UAP1: variants seen among roughly 807,000 people sequenced by gnomAD.
UAP1 encodes UDP-N-acetylglucosamine pyrophosphorylase 1, also known as UDP-N-acetylhexosamine pyrophosphorylase.
In UAP1, 25 loss-of-function variants were observed where a neutral mutation model predicts 58.5. The observed-to-expected ratio is 0.43, with a 90% CI of 0.31 to 0.60. The LOEUF (loss-of-function observed/expected upper bound fraction) is 0.60. Ranked by LOEUF, UAP1 falls within the 20% of genes least tolerant of loss-of-function variation. UAP1 has a pLI of 0.11. For missense variants in UAP1, 575 were observed against 630.0 expected (o/e 0.91, Z 0.93); for synonymous variants, 208 against 213.0 (o/e 0.98, Z 0.21).
rs1444599253 is a variant in UAP1 at position 162,583,655 on chromosome 1, G to A, written c.834+2196G>A. ...ATTTATTTATTTATTTATTTGACAG[G>A]GTCTGGCTCTGTTGCCTAGGCTGGA... On this transcript the variant is annotated intron_variant, in intron 5 of 10. Coordinates refer to ENST00000271469, the Ensembl canonical transcript of UAP1. 2.6e-5 allele frequency among the ~76,000 whole-genome samples: 4 copies of A among 151,534 alleles called. No individual in the cohort carries two copies. In the East Asian group the frequency reaches 5.9e-4, roughly 22 times the overall value.
intron 1 of UAP1, 30 bp from the exon 2 acceptor site, chr1:162,565,982 G>C (rs1653463565): frequency 7.8e-6 from 11 of 1,415,572 alleles, no homozygotes; most frequent in Non-Finnish European, 1.0e-5. Context: ...GTTGGATTTT[G>C]ACATGCCATT....
intron 8 of UAP1, 76 bp from the exon 9 acceptor site, chr1:162,592,656 A>G: frequency 1.8e-6 from 2 of 1,101,426 alleles, no homozygotes; most frequent in Non-Finnish European, 2.7e-6. Flanking sequence ...TCAATCAAGT[A>G]TATTTTGCAA....
At chr1:162,578,176 C>A (rs1208094074) in intron 3 of UAP1, among the ~76,000 whole-genome samples, 1 of 152,080 alleles carries the variant, frequency 6.6e-6, no homozygotes, top group Non-Finnish European at 1.5e-5. Context: ...TGTTTGAGGT[C>A]CCCCAAGTCC....
chr1:162,579,373 T>C, intron 3 of UAP1, 55 bp from the exon 4 acceptor site: 1 of 1,269,816 alleles, frequency 7.9e-7, no homozygotes, highest in Non-Finnish European at 1.0e-6. Context: ...GAAACTTTAT[T>C]TTGCCCTAGT....
intron 2 of UAP1, among the ~76,000 whole-genome samples, chr1:162,571,778 T>C (rs772844743): frequency 5.3e-5 from 8 of 152,230 alleles, no homozygotes; most frequent in Non-Finnish European, 1.2e-4. Flanking sequence ...CAGATACTAA[T>C]TTATGTGTTA....
chr1:162,583,934 C>T (rs1654758540), intron 5 of UAP1, among the ~76,000 whole-genome samples: 1 of 152,182 alleles, frequency 6.6e-6, no homozygotes, highest in Non-Finnish European at 1.5e-5. Context: ...GCCACTGCAC[C>T]CGGCCAGAGT....
intron 9 of UAP1, among the ~76,000 whole-genome samples, chr1:162,596,990 AC>A (rs1655657117): frequency 6.6e-6 from 1 of 152,210 alleles, no homozygotes; most frequent in African/African-American, 2.4e-5. Flanking sequence ...AGGGACTTTG[AC>A]CTTGCCTTCG....
exon 8 of UAP1, chr1:162,590,360 T>C: frequency 6.2e-7 from 1 of 1,612,694 alleles, no homozygotes; most frequent in Non-Finnish European, 8.5e-7. Context: ...AGAAGATGAG[T>C]TTTCCCCACT....
At chr1:162,575,851 T>A (rs1381028659) in intron 2 of UAP1, among the ~76,000 whole-genome samples, 1 of 152,084 alleles carries the variant, frequency 6.6e-6, no homozygotes, top group Non-Finnish European at 1.5e-5. Flanking sequence ...GCCTGGCTAA[T>A]TTTTATATTT....
intron 2 of UAP1, among the ~76,000 whole-genome samples, chr1:162,567,691 A>C (rs1653601798): frequency 6.6e-6 from 1 of 152,208 alleles, no homozygotes; most frequent in Non-Finnish European, 1.5e-5. Flanking sequence ...ACATTATTTT[A>C]TTGCAAAAAT....
At chr1:162,568,393 C>T (rs912755917) in intron 2 of UAP1, among the ~76,000 whole-genome samples, 2 of 152,206 alleles carry the variant, frequency 1.3e-5, no homozygotes, top group African/African-American at 2.4e-5. Flanking sequence ...ACTGGTAGGT[C>T]TCCAACCCCT....
chr1:162,572,276 A>G (rs1317035168), intron 2 of UAP1, among the ~76,000 whole-genome samples: 1 of 152,238 alleles, frequency 6.6e-6, no homozygotes, highest in African/African-American at 2.4e-5. Context: ...GCTGCTGGTT[A>G]GCAAAACTTT....
intron 2 of UAP1, among the ~76,000 whole-genome samples, chr1:162,570,658 T>C (rs1216467866): frequency 6.6e-6 from 1 of 152,236 alleles, no homozygotes; most frequent in East Asian, 1.9e-4. Flanking sequence ...GAGATTTTCC[T>C]GATTAGTCTG....
Position 162,566,136 on chromosome 1 carries a change from A to G in UAP1, c.68A>G (p.Asn23Ser). ...CAAGAGCACCTACTACGTTTCTGGAATGAGCTTGAAGAAGCCCAACAGGTA... is the reference window on the plus strand; with the variant it reads ...CAAGAGCACCTACTACGTTTCTGGAGTGAGCTTGAAGAAGCCCAACAGGTA... The change falls in exon 2 of 11, where the codon AAT (asparagine) becomes AGT (serine). Residue 23 changes from asparagine to serine, a missense_variant. Coordinates refer to ENST00000271469, the Ensembl canonical transcript of UAP1. The G allele has an allele frequency of 1.9e-6, 3 of 1,613,566 alleles. No homozygotes were observed. The South Asian group carries it at 3.3e-5, about 18-fold the overall frequency.
At chr1:162,588,411 T>A (rs1655050121) in intron 6 of UAP1, among the ~76,000 whole-genome samples, 1 of 152,238 alleles carries the variant, frequency 6.6e-6, no homozygotes, top group Non-Finnish European at 1.5e-5. Flanking sequence ...ATGCGTTTTT[T>A]AATGTACATA....
chr1:162,601,048 G>A (rs1655875441), downstream of UAP1, among the ~76,000 whole-genome samples: 1 of 152,202 alleles, frequency 6.6e-6, no homozygotes, highest in South Asian at 2.1e-4. Context: ...GGTTTTGTTG[G>A]AGAGGAGCGA....
chr1:162,591,956 T>C (rs75922507), intron 8 of UAP1, among the ~76,000 whole-genome samples: 1,850 of 152,298 alleles, frequency 0.012, 39 homozygotes, highest in African/African-American at 0.042. Context: ...AGCCTAAATC[T>C]TGTATTTTAT....
exon 8 of UAP1, chr1:162,590,324 A>G: frequency 6.2e-7 from 1 of 1,609,136 alleles, no homozygotes; most frequent in Non-Finnish European, 8.5e-7. Flanking sequence ...TCGCTCTAGG[A>G]AGTTTGTGGT....
At chr1:162,591,666 A>G (rs770280932) in intron 8 of UAP1, among the ~76,000 whole-genome samples, 1 of 152,028 alleles carries the variant, frequency 6.6e-6, no homozygotes, top group Non-Finnish European at 1.5e-5. Flanking sequence ...TTGTATTTTT[A>G]GTAGAGACAG....
Sources: allele counts gnomAD v4.1 joint callset (sites outside exome capture counted in the v4.1 genomes callset), GRCh38; gene constraint gnomAD v4.1.1; transcripts MANE v1.5; gene names NCBI Gene and HGNC (gene_info 2026-07-23, HGNC 2026-07-21).